Variants in TENM3 observed in about 807,000 individuals in gnomAD.
TENM3 encodes teneurin transmembrane protein 3, also known as teneurin-3.
A neutral mutation model predicts 255.1 loss-of-function variants in TENM3; 63 were observed. The ratio of observed to expected loss-of-function variants is 0.25; its 90% CI spans 0.20 to 0.30. The LOEUF (loss-of-function observed/expected upper bound fraction) is 0.30, where lower values mean the gene tolerates loss of function less well. TENM3 is among the 10% of genes least tolerant of loss of function. TENM3 has a pLI of 1.00. For missense variants in TENM3, 2,929 were observed against 3,461.1 expected, an observed-to-expected ratio of 0.85 and a Z score of 3.86; for synonymous variants, 1,306 against 1,322.3, an observed-to-expected ratio of 0.99 and a Z score of 0.27.
chr4:182,281,670 C>T (rs1760393001), intron 1 of TENM3, among the ~76,000 whole-genome samples: 1 of 152,172 alleles, frequency 6.6e-6, no homozygotes, highest in African/African-American at 2.4e-5. Context: ...ACCCAAACTA[C>T]TTAATTATAA....
At position 182,406,943 on chromosome 4, in the gene TENM3, G is replaced by A. The variant is rs542341600; in HGVS notation, c.511+60014G>A. 7.9e-5 allele frequency among the ~76,000 whole-genome samples: 12 copies of A among 152,282 alleles called. 1 individual carries two copies. In the South Asian group the frequency reaches 2.3e-3, roughly 29 times the overall value. On this transcript the variant is annotated intron_variant, in intron 3 of 27. Transcript: ENST00000511685. Reference sequence around the variant, plus strand: ...TTAGGTTAGAGGAGGGCAACGAAACGAACTTCAATGTAAGGCGGGAAACTA... The same window carrying A: ...TTAGGTTAGAGGAGGGCAACGAAACAAACTTCAATGTAAGGCGGGAAACTA...
chr4:182,801,559 G>A lies in TENM3; in HGVS notation c.*1208G>A, dbSNP rs942639454. 6.6e-6 allele frequency: 1 copy of A among 152,242 alleles called. No individual in the cohort carries two copies. The highest frequency in any genetic ancestry group is 2.4e-5 in the African/African-American group (1 of 41,434). The allele number at this position is 152,242 out of a possible 1,614,324, so 9.4% of individuals were successfully genotyped here. On this transcript the variant is annotated 3_prime_UTR_variant, in exon 28 of 28. Transcript: ENST00000511685. ...CTGTTCCAAAGCTCTGTCTCTTGAT[G>A]GAGGAGAGACCACATCAGATGCTGG...
the TENM3 span, among the ~76,000 whole-genome samples, chr4:181,646,247 T>C: frequency 8.5e-5 from 13 of 152,316 alleles, no homozygotes; most frequent in Middle Eastern, 6.8e-3. Context: ...TTTTCCTTAG[T>C]TCTTATTTTT....
At chr4:182,241,522 T>C (rs539971304), upstream of TENM3, among the ~76,000 whole-genome samples, 13 of 142,506 alleles carry the variant, frequency 9.1e-5, no homozygotes, top group East Asian at 5.9e-4. Context: ...TTCTTTCTTT[T>C]TTTTTTTTTT....
chr4:181,933,874 T>C, the TENM3 span, among the ~76,000 whole-genome samples: 1 of 152,172 alleles, frequency 6.6e-6, no homozygotes, highest in Non-Finnish European at 1.5e-5. Context: ...AGATTTTTTG[T>C]GTATTTTTAG....
the TENM3 span, among the ~76,000 whole-genome samples, chr4:181,725,779 T>C: frequency 7.8e-3 from 1,188 of 152,264 alleles, 12 homozygotes; most frequent in African/African-American, 0.027. Context: ...CTTTGTCCCT[T>C]GGTTTGTGAT....
At chr4:182,042,647 G>C in the TENM3 span, among the ~76,000 whole-genome samples, 59 of 152,236 alleles carry the variant, frequency 3.9e-4, 1 homozygote, top group Admixed American at 3.7e-3. Flanking sequence ...CGAATATGTA[G>C]GAATGTCGAC....
At chr4:181,637,247 T>A in the TENM3 span, among the ~76,000 whole-genome samples, 1 of 152,182 alleles carries the variant, frequency 6.6e-6, no homozygotes, top group Non-Finnish European at 1.5e-5. Flanking sequence ...CAGTGTCTTA[T>A]CAAAATAGAA....
chr4:181,687,061 G>C, the TENM3 span, among the ~76,000 whole-genome samples: 1 of 152,134 alleles, frequency 6.6e-6, no homozygotes, highest in Non-Finnish European at 1.5e-5. Flanking sequence ...GAGATGCATA[G>C]AGCTTACCTA....
chr4:182,323,810 T>A (rs1355244684), intron 1 of TENM3, 136 bp from the exon 2 acceptor site: 2 of 582,746 alleles, frequency 3.4e-6, no homozygotes, highest in African/African-American at 3.7e-5. Flanking sequence ...TCAGAAATAC[T>A]AATTTCTTGT....
intron 1 of TENM3, among the ~76,000 whole-genome samples, chr4:182,237,700 G>A (rs1756983170): frequency 6.6e-6 from 1 of 152,196 alleles, no homozygotes. Context: ...ACACAGCAAA[G>A]TTAAGTCTGA....
intron 3 of TENM3, among the ~76,000 whole-genome samples, chr4:182,448,135 C>T (rs74846177): frequency 1.3e-5 from 2 of 152,220 alleles, no homozygotes; most frequent in South Asian, 4.1e-4. Context: ...GTCTTCTCTC[C>T]CCGGGTCGCG....
intron 3 of TENM3, among the ~76,000 whole-genome samples, chr4:182,418,802 A>G (rs753719931): frequency 3.3e-5 from 5 of 152,050 alleles, no homozygotes; most frequent in Non-Finnish European, 7.4e-5. Flanking sequence ...GGCTCAAGCA[A>G]TCTGCCTGCC....
At chr4:182,001,817 T>C in the TENM3 span, among the ~76,000 whole-genome samples, 1 of 152,088 alleles carries the variant, frequency 6.6e-6, no homozygotes, top group East Asian at 1.9e-4. Context: ...TCTAAGACTA[T>C]TTAGGTGGAT....
At chr4:182,600,827 C>T (rs1747753702) in intron 3 of TENM3, 97 bp from the exon 4 acceptor site, 2 of 566,446 alleles carry the variant, frequency 3.5e-6, no homozygotes, top group Non-Finnish European at 5.7e-6. Flanking sequence ...AATTCTAATT[C>T]ATCTGCAGTG....
At chr4:181,909,574 A>C in the TENM3 span, among the ~76,000 whole-genome samples, 1 of 152,292 alleles carries the variant, frequency 6.6e-6, no homozygotes, top group East Asian at 1.9e-4. Flanking sequence ...TCATTGCCTC[A>C]GCACAGCTGG....
intron 3 of TENM3, among the ~76,000 whole-genome samples, chr4:182,591,894 T>C (rs1281382441): frequency 1.3e-5 from 2 of 152,188 alleles, no homozygotes; most frequent in Non-Finnish European, 2.9e-5. Context: ...TGTTTTCCGA[T>C]GAGCTTCACA....
intron 1 of TENM3, among the ~76,000 whole-genome samples, chr4:182,161,957 G>GTATATA (rs1406454695): frequency 4.5e-5 from 2 of 44,780 alleles, no homozygotes; most frequent in South Asian, 1.8e-3. Flanking sequence ...GTGTGTGTGT[G>GTATATA]TGTATATATA....
At chr4:182,619,331 T>G (rs1400397148) in intron 4 of TENM3, among the ~76,000 whole-genome samples, 1 of 151,760 alleles carries the variant, frequency 6.6e-6, no homozygotes, top group Non-Finnish European at 1.5e-5. Flanking sequence ...CTTGGGAGGC[T>G]GAGGCAGGAA....
Sources: allele counts gnomAD v4.1 joint callset (sites outside exome capture counted in the v4.1 genomes callset), GRCh38; gene constraint gnomAD v4.1.1; transcripts MANE v1.5; gene names NCBI Gene and HGNC (gene_info 2026-07-23, HGNC 2026-07-21).